The following KIAA0319L variants were observed in gnomAD, a reference collection of about 807,000 sequenced individuals.
KIAA0319L encodes KIAA0319 like.
In KIAA0319L, 55 loss-of-function variants were observed where a neutral mutation model predicts 120.1. The ratio of observed to expected loss-of-function variants is 0.46; its 90% confidence interval spans 0.37 to 0.57. The LOEUF is 0.57. KIAA0319L is among the 20% of genes least tolerant of loss of function. The pLI is 0.00. For missense variants in KIAA0319L, 1,049 were observed against 1,255.3 expected (o/e 0.84, Z 2.48); for synonymous variants, 398 against 471.9 (o/e 0.84, Z 2.03).
At chr1:35,531,963 A>G (rs1027757512) in intron 2 of KIAA0319L, among the ~76,000 whole-genome samples, 1 of 152,204 alleles carries the variant, frequency 6.6e-6, no homozygotes, top group East Asian at 1.9e-4. Context: ...ATGGTTTCCA[A>G]TAAGAGGAAG....
At chr1:35,527,300 G>C (rs541485494) in intron 2 of KIAA0319L, among the ~76,000 whole-genome samples, 1 of 152,114 alleles carries the variant, frequency 6.6e-6, no homozygotes, top group Admixed American at 6.6e-5. Context: ...ATATTATGTT[G>C]AGGATTTCTG....
At position 35,467,644 on chromosome 1, in the gene KIAA0319L, C is replaced by T. The variant is rs1643357660; in HGVS notation, c.1114-949G>A. Among the ~76,000 whole-genome samples, 4 of 152,002 alleles carry T rather than the reference C, an allele frequency of 2.6e-5. No individual in the cohort carries two copies. In the South Asian group the frequency reaches 8.3e-4, roughly 32 times the overall value. On this transcript the variant is annotated intron_variant, in intron 6 of 20. Transcript: ENST00000325722. ...TCAAACTTTCTATTGTTCTTTCTTC[C>T]ATTCATTTAGCATGAACACCTTCCC... is the stretch of plus-strand genomic sequence containing the variant.
intron 2 of KIAA0319L, among the ~76,000 whole-genome samples, chr1:35,524,916 C>G (rs1164105301): frequency 6.6e-6 from 1 of 152,146 alleles, no homozygotes; most frequent in African/African-American, 2.4e-5. Flanking sequence ...TTACCCTACT[C>G]TACTACAGAA....
intron 2 of KIAA0319L, among the ~76,000 whole-genome samples, chr1:35,550,042 C>T (rs1257349040): frequency 6.6e-6 from 1 of 152,210 alleles, no homozygotes; most frequent in East Asian, 1.9e-4. Flanking sequence ...TTTCAAGCCA[C>T]TTAACAATAA....
At chr1:35,543,847 G>T (rs1646884281) in intron 2 of KIAA0319L, among the ~76,000 whole-genome samples, 1 of 152,164 alleles carries the variant, frequency 6.6e-6, no homozygotes, top group Admixed American at 6.5e-5. Context: ...CAGAGTTTGG[G>T]AATAATTAAA....
intron 3 of KIAA0319L, among the ~76,000 whole-genome samples, chr1:35,495,035 A>G (rs1260306930): frequency 6.6e-6 from 1 of 152,212 alleles, no homozygotes; most frequent in African/African-American, 2.4e-5. Flanking sequence ...TAGCTCTCAC[A>G]ATGTACAAAA....
intron 3 of KIAA0319L, among the ~76,000 whole-genome samples, chr1:35,501,812 A>G (rs1645016595): frequency 6.7e-6 from 1 of 148,484 alleles, no homozygotes; most frequent in Admixed American, 6.8e-5. Flanking sequence ...CGGGAGGTGG[A>G]GGTTGCAGTG....
rs745457141 is a variant in KIAA0319L, at chr1:35,453,586, T to A, written c.1884A>T (p.Lys628Asn). The change falls in exon 12 of 21, where the codon AAA becomes AAT. Residue 628 changes from lysine (K) to asparagine (N), a missense_variant. Physicochemically the swap from Lys to Asn is moderately conservative, Grantham distance 94. Transcript: ENST00000325722. The surrounding 1 kb of genome is among the most constrained non-coding windows in gnomAD (Gnocchi z 4.1). ...LDGSKSSDDQ[K>N]IISYLWEKTQ... is the part of the protein sequence containing the mutation. ...TTTTTTCCCAGAGATATGAGATAAT[T>A]TTCTGATCATCTGAGCTCTTGCTGC... 1.1e-5 allele frequency: 18 copies of A among 1,613,964 alleles called. 1 individual carries two copies. In the South Asian group the frequency reaches 2.0e-4, roughly 18 times the overall value.
chr1:35,529,187 C>T (rs1400875094), intron 2 of KIAA0319L, among the ~76,000 whole-genome samples: 1 of 152,168 alleles, frequency 6.6e-6, no homozygotes, highest in East Asian at 1.9e-4. Flanking sequence ...TAAAAGAATG[C>T]GTCCACATGA....
chr1:35,485,427 A>G (rs989115947), intron 3 of KIAA0319L, among the ~76,000 whole-genome samples: 9 of 152,282 alleles, frequency 5.9e-5, no homozygotes, highest in South Asian at 2.1e-4. Flanking sequence ...CCATCTGCCA[A>G]TCTATCTGTA....
intron 20 of KIAA0319L, chr1:35,440,437 T>A (rs527801745): frequency 6.5e-6 from 1 of 153,386 alleles, no homozygotes; most frequent in South Asian, 2.0e-4. Flanking sequence ...TCCCATGGCA[T>A]CCATGATGAG....
chr1:35,461,443 G>C (rs1287108751), intron 8 of KIAA0319L, among the ~76,000 whole-genome samples: 1 of 151,994 alleles, frequency 6.6e-6, no homozygotes, highest in Non-Finnish European at 1.5e-5. Context: ...TCCAGCCTGG[G>C]CAAGAAGAGC....
chr1:35,524,061 C>A (rs933606731), intron 2 of KIAA0319L, among the ~76,000 whole-genome samples: 1 of 152,140 alleles, frequency 6.6e-6, no homozygotes, highest in South Asian at 2.1e-4. Flanking sequence ...AGGATGACTA[C>A]CTATTCGTCT....
At chr1:35,483,992 C>T (rs1644270544) in intron 3 of KIAA0319L, among the ~76,000 whole-genome samples, 1 of 151,896 alleles carries the variant, frequency 6.6e-6, no homozygotes, top group Non-Finnish European at 1.5e-5. Flanking sequence ...TCCAAAGCTC[C>T]CTTTCCTTTC....
Position 35,441,360 on chromosome 1 carries a change from G to A in KIAA0319L, c.2871-222C>T, listed in dbSNP as rs183744212. Among the ~76,000 whole-genome samples the A allele has an allele frequency of 1.2e-3, 182 of 152,224 alleles. 1 individual carries two copies. Among genetic ancestry groups the A allele is most frequent in the African/African-American group, 3.9e-3 (162 of 41,538 alleles). On this transcript the variant is annotated intron_variant, in intron 19 of 20. Coordinates refer to ENST00000325722, the MANE Select transcript of KIAA0319L (RefSeq NM_024874.5). The stretch of plus-strand genomic sequence containing the variant: ...AAGGGAGCTATGACCACCTTGGCAC[G>A]GACTCACCATCCCACAGGGGCAATG...
At chr1:35,460,255 A>T in intron 9 of KIAA0319L, 50 bp downstream of exon 9, 1 of 1,519,674 alleles carries the variant, frequency 6.6e-7, no homozygotes, top group Non-Finnish European at 9.0e-7. Flanking sequence ...AAAACCCACG[A>T]GAGGCAAAAA....
At chr1:35,507,202 C>A in intron 2 of KIAA0319L, 67 bp from the exon 3 acceptor site, 1 of 1,431,798 alleles carries the variant, frequency 7.0e-7, no homozygotes, top group Non-Finnish European at 9.3e-7. Flanking sequence ...CATAAAGAGC[C>A]CTGAGAACCA....
chr1:35,449,761 A>G (rs1641911547), intron 15 of KIAA0319L, 106 bp downstream of exon 15: 1 of 1,231,582 alleles, frequency 8.1e-7, no homozygotes, highest in Admixed American at 2.1e-5. Context: ...TTAAAGCTGG[A>G]CATGCCATCT....
At chr1:35,435,231 C>G (rs1382677339) in intron 20 of KIAA0319L, 150 bp from the exon 21 acceptor site, 9 of 683,570 alleles carry the variant, frequency 1.3e-5, no homozygotes, top group Non-Finnish European at 2.0e-5. Flanking sequence ...GGAAGCTTCC[C>G]TAGTCCTTCT....
Sources: gnomAD v4.1 joint callset for allele counts (sites outside exome capture counted in the v4.1 genomes callset) on GRCh38, gnomAD v4.1.1 for gene constraint, Gnocchi (gnomAD v3.1) non-coding constraint, MANE v1.5 for transcripts, NCBI Gene and HGNC (gene_info 2026-07-23, HGNC 2026-07-21) for gene names.